MACF1: variants seen among roughly 807,000 people sequenced by gnomAD.
MACF1 encodes the protein microtubule-actin cross-linking factor 1.
MACF1 carries 193 observed loss-of-function variants against 854.8 expected under a neutral mutation model. That is an observed-to-expected ratio of 0.23 (90% CI 0.20 to 0.25). The LOEUF is 0.25. Among genes scored for constraint, MACF1 ranks in the 10% least tolerant of loss-of-function variants. The pLI, the probability that MACF1 is intolerant of heterozygous loss-of-function variation, is 1.00. For synonymous variants in MACF1, 3,185 were observed against 3,226.7 expected (o/e 0.99, Z 0.44); for missense variants, 7,722 against 8,929.1 (o/e 0.86, Z 5.45).
rs750262685 is a variant in MACF1, at chr1:39,190,395, G to GTTTTTTTTTTTTTTTTTTTTTTTT, written c.221-40782_221-40781insTTTTTTTTTTTTTTTTTTTTTTTT. 3.8e-5 allele frequency among the ~76,000 whole-genome samples: 3 copies of GTTTTTTTTTTTTTTTTTTTTTTTT among 79,040 alleles called. 1 individual carries two copies. The highest frequency in any genetic ancestry group is 9.4e-5 in the African/African-American group (2 of 21,324). 51.9% of individuals were successfully genotyped at this position (79,040 alleles called of 152,430 possible). On this transcript the variant is annotated intron_variant, in intron 2 of 93. Transcript: ENST00000361689. ...TGTGTGTGTGTGTGTGTGTGTGTTT[G>GTTTTTTTTTTTTTTTTTTTTTTTT]TTTTTGTTTTTTTTTTTTTTTTTTG...
intron 91 of MACF1, among the ~76,000 whole-genome samples, 195 bp downstream of exon 91, chr1:39,459,444 G>A (rs1570158331): frequency 6.6e-6 from 1 of 152,182 alleles, no homozygotes; most frequent in East Asian, 1.9e-4. Flanking sequence ...AAAACCGTTT[G>A]TGACAGAGTA....
chr1:39,270,048 C>T (rs766817949), intron 6 of MACF1, among the ~76,000 whole-genome samples: 2 of 152,122 alleles, frequency 1.3e-5, no homozygotes, highest in South Asian at 2.1e-4. Flanking sequence ...TTCCCTGCTA[C>T]GAGAAGTTGT....
intron 2 of MACF1, among the ~76,000 whole-genome samples, chr1:39,233,442 C>T (rs11205802): frequency 0.59 from 89,314 of 152,010 alleles, 28,245 homozygotes; most frequent in South Asian, 0.77. Flanking sequence ...TGAGCCATGG[C>T]GGCTGTGCCT....
Position 39,205,082 on chromosome 1 carries a change from T to TG in MACF1, c.62dup (p.Val22SerfsTer14). On this transcript the variant is annotated frameshift_variant, in exon 1 of 101. Transcript: ENST00000564288. LOFTEE classifies it high-confidence loss of function. Reference sequence around the variant, plus strand: ...CCATCTTTATTTTGACTCACGTTCTTGGAGTTGCTGGTGTTCTATACTGGA... The same window carrying TG: ...CCATCTTTATTTTGACTCACGTTCTTGGGAGTTGCTGGTGTTCTATACTGGA... 1 of 703,016 alleles carries TG rather than the reference T, an allele frequency of 1.4e-6. No individual in the cohort carries two copies. 43.5% of individuals were successfully genotyped at this position (703,016 alleles called of 1,614,324 possible). A position where few individuals can be genotyped will look rare whatever the true frequency, so the allele number is the denominator to read the frequency against.
At chr1:39,248,242 A>G (rs1291986296) in intron 2 of MACF1, among the ~76,000 whole-genome samples, 1 of 152,096 alleles carries the variant, frequency 6.6e-6, no homozygotes, top group Admixed American at 6.6e-5. Flanking sequence ...TCTTCGAGGA[A>G]GTCTTTACGT....
chr1:39,273,826 G>C (rs983625578), intron 6 of MACF1, among the ~76,000 whole-genome samples: 2 of 152,114 alleles, frequency 1.3e-5, no homozygotes, highest in African/African-American at 4.8e-5. Context: ...TCCTGACCTC[G>C]TAATCCGCCC....
At chr1:39,173,017 C>T (rs571069671) in intron 2 of MACF1, among the ~76,000 whole-genome samples, 63 of 152,236 alleles carry the variant, frequency 4.1e-4, no homozygotes, top group African/African-American at 1.5e-3. Flanking sequence ...TTCAGGGCCA[C>T]ACACTGCTTA....
At chr1:39,097,866 C>G (rs1016884462) in intron 2 of MACF1, among the ~76,000 whole-genome samples, 4 of 152,198 alleles carry the variant, frequency 2.6e-5, no homozygotes, top group Admixed American at 6.5e-5. Flanking sequence ...GGGCCTCTCC[C>G]GGCCTCAGTG....
chr1:39,166,260 G>A (rs906829127), intron 2 of MACF1, among the ~76,000 whole-genome samples: 1 of 151,826 alleles, frequency 6.6e-6, no homozygotes. Context: ...TAGAGATGGG[G>A]TTTCACCGTG....
At chr1:39,261,428 A>T (rs1177336303) in intron 6 of MACF1, among the ~76,000 whole-genome samples, 2 of 152,204 alleles carry the variant, frequency 1.3e-5, no homozygotes, top group African/African-American at 4.8e-5. Flanking sequence ...TTCATCATCC[A>T]AATAAGATCC....
At chr1:39,458,033 G>T in intron 89 of MACF1, 1 of 184,214 alleles carries the variant, frequency 5.4e-6, no homozygotes. Flanking sequence ...GAGATAGCAG[G>T]CTCCTTTTAA....
At chr1:39,402,478 G>T (rs1390373639) in intron 58 of MACF1, among the ~76,000 whole-genome samples, 1 of 152,124 alleles carries the variant, frequency 6.6e-6, no homozygotes, top group Admixed American at 6.5e-5. Flanking sequence ...TTTGGTGAAT[G>T]GATGAAAAGA....
intron 1 of MACF1, among the ~76,000 whole-genome samples, chr1:39,225,210 C>CTTTTTTTT (rs1553171310): frequency 1.1e-4 from 2 of 17,616 alleles, no homozygotes; most frequent in Non-Finnish European, 3.1e-4. Flanking sequence ...GCAAATTTTT[C>CTTTTTTTT]TTTTTTCTTT....
At chr1:39,358,988 G>A in intron 46 of MACF1, 115 bp downstream of exon 46, 1 of 1,419,832 alleles carries the variant, frequency 7.0e-7, no homozygotes, top group Non-Finnish European at 9.6e-7. Flanking sequence ...GGGATGCCTT[G>A]GACAAGATCT....
In MACF1 at chr1:39,425,981, A is replaced by G. The variant is rs116243885; in HGVS notation, c.16317-1474A>G. ...ATAGAAACAAATAACAAGAGTAGAT[A>G]TTTGATGCTTCTAAATTATTTTTAG... On this transcript the variant is annotated intron_variant, in intron 61 of 100. Transcript: ENST00000564288. Among the ~76,000 whole-genome samples, 1,478 of 152,322 alleles carry G rather than the reference A, an allele frequency of 9.7e-3. 25 individuals are homozygous for G. Among genetic ancestry groups the G allele is most frequent in the African/African-American group, 0.033 (1,389 of 41,572 alleles).
chr1:39,173,796 A>G (rs765991247), intron 2 of MACF1, among the ~76,000 whole-genome samples: 5 of 152,154 alleles, frequency 3.3e-5, no homozygotes, highest in Non-Finnish European at 7.3e-5. Flanking sequence ...GAAGCCTAAC[A>G]TTTTCATATT....
chr1:39,258,947 A>G (rs994871603), intron 6 of MACF1, among the ~76,000 whole-genome samples: 1 of 152,218 alleles, frequency 6.6e-6, no homozygotes, highest in African/African-American at 2.4e-5. Flanking sequence ...GGCAGTCACC[A>G]GCATGGACAG....
chr1:39,224,081 A>G (rs1324688657), intron 1 of MACF1, among the ~76,000 whole-genome samples: 2 of 152,216 alleles, frequency 1.3e-5, no homozygotes, highest in African/African-American at 2.4e-5. Flanking sequence ...TTATCATTGT[A>G]TAGGTCACAG....
intron 56 of MACF1, among the ~76,000 whole-genome samples, chr1:39,382,366 G>C (rs1413023208): frequency 2.6e-5 from 4 of 152,034 alleles, no homozygotes; most frequent in African/African-American, 9.7e-5. Context: ...AGTAAGATGA[G>C]TAGATATGAG....
Sources: gnomAD v4.1 joint callset for allele counts (sites outside exome capture counted in the v4.1 genomes callset) on GRCh38, gnomAD v4.1.1 for gene constraint, MANE v1.5 for transcripts, NCBI Gene and HGNC (gene_info 2026-07-23, HGNC 2026-07-21) for gene names.